The following SLC39A9 variants were observed in gnomAD, a reference collection of about 807,000 sequenced individuals.
The protein encoded by SLC39A9 is solute carrier family 39 member 9, also known as zinc transporter ZIP9.
SLC39A9 carries 14 observed loss-of-function variants against 28.4 expected under a neutral mutation model. The ratio of observed to expected loss-of-function variants is 0.49; its 90% CI spans 0.33 to 0.77. The LOEUF (loss-of-function observed/expected upper bound fraction) is 0.77, where lower values mean the gene tolerates loss of function less well. SLC39A9 is among the 30% of genes least tolerant of loss of function. SLC39A9 has a pLI of 0.02. For synonymous variants in SLC39A9, 119 were observed against 149.6 expected (o/e 0.80, Z 1.49); for missense variants, 283 against 381.1 (o/e 0.74, Z 2.14).
intron 1 of SLC39A9, among the ~76,000 whole-genome samples, chr14:69,401,889 A>G (rs1280188845): frequency 2.0e-5 from 3 of 152,202 alleles, no homozygotes; most frequent in Non-Finnish European, 4.4e-5. Context: ...TCTCCTAGGA[A>G]CTAAACATAT....
upstream of SLC39A9, chr14:69,398,436 G>C (rs1034851508): frequency 9.2e-6 from 6 of 654,658 alleles, no homozygotes; most frequent in South Asian, 1.1e-4. Flanking sequence ...AGCCATCTTC[G>C]ATAAAGGCAA....
intron 2 of SLC39A9, among the ~76,000 whole-genome samples, chr14:69,436,598 G>C (rs1420489529): frequency 6.6e-6 from 1 of 152,172 alleles, no homozygotes; most frequent in African/African-American, 2.4e-5. Flanking sequence ...TTTTAGCTGA[G>C]TTTTCAAAGC....
chr14:69,448,138 A>G (rs893678972), intron 3 of SLC39A9, among the ~76,000 whole-genome samples: 6 of 136,388 alleles, frequency 4.4e-5, no homozygotes, highest in African/African-American at 1.7e-4. Flanking sequence ...TGGCGTGAAC[A>G]TGGGAGGCGG....
At chr14:69,414,157 T>C (rs965817264) in intron 1 of SLC39A9, among the ~76,000 whole-genome samples, 4 of 150,224 alleles carry the variant, frequency 2.7e-5, no homozygotes, top group African/African-American at 7.5e-5. Context: ...TTCAAGCGAT[T>C]CTCTCTCAGC....
At chr14:69,424,975 A>G (rs1311002762) in intron 2 of SLC39A9, among the ~76,000 whole-genome samples, 2 of 152,226 alleles carry the variant, frequency 1.3e-5, no homozygotes, top group African/African-American at 4.8e-5. Flanking sequence ...AGATCTTGGT[A>G]GAGGAAAAGA....
rs1176344124 is a variant in SLC39A9 at position 69,461,672 on chromosome 14, C to T, written c.*3079C>T. The T allele has an allele frequency of 6.5e-7, 1 of 1,535,666 alleles. No individual in the cohort carries two copies. Among genetic ancestry groups the T allele is most frequent in the Non-Finnish European group, 8.7e-7 (1 of 1,146,746 alleles). ...TTTACCAGCCTACTTCTAAGTGTCACTGCCTGGTTTTTCTCTTTTTCAAGG... is the reference window on the plus strand; with the variant it reads ...TTTACCAGCCTACTTCTAAGTGTCATTGCCTGGTTTTTCTCTTTTTCAAGG... On this transcript the variant is annotated 3_prime_UTR_variant, in exon 7 of 7. Coordinates refer to ENST00000336643, the MANE Select transcript of SLC39A9 (RefSeq NM_018375.5).
chr14:69,439,667 A>G (rs1884948999), intron 2 of SLC39A9, among the ~76,000 whole-genome samples: 1 of 152,148 alleles, frequency 6.6e-6, no homozygotes. Flanking sequence ...TGTTTGGGTC[A>G]TGAGGGTGGA....
At chr14:69,414,249 T>C (rs1203485094) in intron 1 of SLC39A9, among the ~76,000 whole-genome samples, 1 of 152,162 alleles carries the variant, frequency 6.6e-6, no homozygotes, top group Non-Finnish European at 1.5e-5. Flanking sequence ...GGTTTCGCCA[T>C]GCTGGCCAGG....
intron 1 of SLC39A9, among the ~76,000 whole-genome samples, chr14:69,404,074 G>A (rs1357044277): frequency 6.6e-6 from 1 of 152,028 alleles, no homozygotes; most frequent in East Asian, 1.9e-4. Context: ...AACAAAAACA[G>A]CAAAACTGGA....
intron 1 of SLC39A9, among the ~76,000 whole-genome samples, chr14:69,404,342 C>T (rs1478607870): frequency 2.0e-5 from 3 of 152,200 alleles, no homozygotes; most frequent in African/African-American, 7.2e-5. Context: ...CTGTCTGAGA[C>T]AGTATCATTC....
intron 1 of SLC39A9, among the ~76,000 whole-genome samples, chr14:69,407,302 C>CCCTCCCTTCCTT (rs1882982588): frequency 1.0e-4 from 15 of 143,932 alleles, no homozygotes; most frequent in Non-Finnish European, 1.9e-4. Flanking sequence ...TCCCTTCCTT[C>CCCTCCCTTCCTT]CCTTCCTTCC....
At chr14:69,441,993 A>G in intron 2 of SLC39A9, 76 bp from the exon 3 acceptor site, 1 of 1,528,952 alleles carries the variant, frequency 6.5e-7, no homozygotes, top group Non-Finnish European at 8.7e-7. Context: ...CTTGAAATAC[A>G]AAGAATGGAA....
At chr14:69,406,300 A>G (rs17106973) in intron 1 of SLC39A9, among the ~76,000 whole-genome samples, 20,747 of 152,234 alleles carry the variant, frequency 0.14, 1,494 homozygotes, top group East Asian at 0.18. Flanking sequence ...CCAATTTGGA[A>G]TCTGAAGTAG....
intron 1 of SLC39A9, among the ~76,000 whole-genome samples, chr14:69,417,379 T>G (rs1883633507): frequency 6.6e-6 from 1 of 152,230 alleles, no homozygotes; most frequent in African/African-American, 2.4e-5. Flanking sequence ...ACTGTAGCCT[T>G]GTAATATAGT....
intron 1 of SLC39A9, among the ~76,000 whole-genome samples, chr14:69,423,730 T>C (rs1019566115): frequency 6.6e-6 from 1 of 152,012 alleles, no homozygotes. Context: ...AAACCCCGTC[T>C]CTACTGAAAA....
intron 3 of SLC39A9, among the ~76,000 whole-genome samples, chr14:69,451,830 C>T (rs1436155779): frequency 1.3e-5 from 2 of 152,128 alleles, no homozygotes; most frequent in Non-Finnish European, 2.9e-5. Flanking sequence ...ATCCTTCCAC[C>T]TTAACCTCCT....
Position 69,459,783 on chromosome 14 carries a change from C to T in SLC39A9, c.*1190C>T, listed in dbSNP as rs1039840157. 3.5e-5 allele frequency: 34 copies of T among 985,184 alleles called. 1 individual carries two copies. Among genetic ancestry groups the T allele is most frequent in the South Asian group, 4.7e-5 (1 of 21,278 alleles). 61.0% of individuals were successfully genotyped at this position (985,184 alleles called of 1,614,324 possible). A position where few individuals can be genotyped will look rare whatever the true frequency, so the allele number is the denominator to read the frequency against. Reference sequence around the variant, plus strand: ...CTAACTTTTCCCTCTAGCCTCTCCTCGCCACAATTTGCTGCTTACTGCTGG... The same window carrying T: ...CTAACTTTTCCCTCTAGCCTCTCCTTGCCACAATTTGCTGCTTACTGCTGG... On this transcript the variant is annotated 3_prime_UTR_variant, in exon 7 of 7. Transcript: ENST00000336643.
chr14:69,451,901 A>C (rs1395063545), intron 3 of SLC39A9, among the ~76,000 whole-genome samples: 2 of 152,082 alleles, frequency 1.3e-5, no homozygotes, highest in African/African-American at 4.8e-5. Context: ...AATTTTGTAG[A>C]GATAGGGTCT....
intron 2 of SLC39A9, among the ~76,000 whole-genome samples, chr14:69,439,097 C>CA (rs1884919261): frequency 6.6e-6 from 1 of 152,056 alleles, no homozygotes; most frequent in Non-Finnish European, 1.5e-5. Flanking sequence ...TTGCAGGATA[C>CA]AAAATCAGCA....
Sources: gnomAD v4.1 joint callset for allele counts (sites outside exome capture counted in the v4.1 genomes callset) on GRCh38, gnomAD v4.1.1 for gene constraint, MANE v1.5 for transcripts, NCBI Gene and HGNC (gene_info 2026-07-23, HGNC 2026-07-21) for gene names.